Variants in FN3KRP observed in about 807,000 individuals in gnomAD.
FN3KRP encodes ketosamine-3-kinase.
FN3KRP carries 33 observed loss-of-function variants against 29.8 expected under a neutral mutation model. The observed-to-expected ratio is 1.11, with a 90% CI of 0.84 to 1.48. The LOEUF (loss-of-function observed/expected upper bound fraction) is 1.48. Among genes scored for constraint, FN3KRP ranks in the 40% most tolerant of loss-of-function variants. The pLI, the probability that FN3KRP is intolerant of heterozygous loss-of-function variation, is 0.00. For missense variants in FN3KRP, 430 were observed against 402.6 expected, an observed-to-expected ratio of 1.07 and a Z score of -0.58; for synonymous variants, 157 against 155.2, an observed-to-expected ratio of 1.01 and a Z score of -0.09.
intron 4 of FN3KRP, among the ~76,000 whole-genome samples, chr17:82,723,533 TTGTG>T (rs1406575301): frequency 6.6e-6 from 1 of 151,808 alleles, no homozygotes; most frequent in Non-Finnish European, 1.5e-5. Context: ...ATATGTGTAT[TTGTG>T]TGCACGCACG....
In FN3KRP at chr17:82,718,891, G is replaced by C; in HGVS notation, c.142-15G>C. On this transcript the variant is annotated splice_polypyrimidine_tract_variant and intron_variant, in intron 1 of 5. Coordinates refer to ENST00000269373, the MANE Select transcript of FN3KRP (RefSeq NM_024619.4). ...CCTCCCTGTATTTCCACTTCCTCTC[G>C]TATTTTTCTGACAGGCCAGAAGAAT... The C allele has an allele frequency of 6.2e-7, 1 of 1,610,252 alleles. No homozygotes were observed. Among genetic ancestry groups the C allele is most frequent in the East Asian group, 2.2e-5 (1 of 44,770 alleles).
At chr17:82,726,794 G>T (rs534194708) in intron 5 of FN3KRP, 39 bp from the exon 6 acceptor site, 7 of 1,517,682 alleles carry the variant, frequency 4.6e-6, no homozygotes, top group East Asian at 4.5e-5. Context: ...TCATGCACGC[G>T]TTGATCAATT....
intron 4 of FN3KRP, among the ~76,000 whole-genome samples, chr17:82,723,629 G>A (rs2046816373): frequency 1.3e-5 from 2 of 148,490 alleles, no homozygotes; most frequent in Non-Finnish European, 2.9e-5. Context: ...ATATGTGTAT[G>A]TGTGCACACG....
intron 4 of FN3KRP, among the ~76,000 whole-genome samples, chr17:82,724,546 G>A (rs1208657505): frequency 1.3e-5 from 2 of 151,972 alleles, no homozygotes; most frequent in Admixed American, 6.6e-5. Flanking sequence ...AGAGATTGCA[G>A]TGAGCTGAAA....
At position 82,720,370 on chromosome 17, in the gene FN3KRP, C is replaced by T. The variant is rs2046790198; in HGVS notation, c.385+7C>T. On this transcript the variant is annotated splice_region_variant and intron_variant, in intron 3 of 5. Transcript: ENST00000269373. ...AAGGAGGCGGGCACAGTGGGTATGGCACTGCGCGGGCCACGGGTGCTCCCG... is the reference window on the plus strand; with the variant it reads ...AAGGAGGCGGGCACAGTGGGTATGGTACTGCGCGGGCCACGGGTGCTCCCG... The T allele has an allele frequency of 6.2e-7, 1 of 1,610,798 alleles. No homozygotes were observed. Among genetic ancestry groups the T allele is most frequent in the Non-Finnish European group, 8.5e-7 (1 of 1,178,574 alleles).
At chr17:82,723,995 T>A (rs12451816) in intron 4 of FN3KRP, among the ~76,000 whole-genome samples, 148 of 101,922 alleles carry the variant, frequency 1.5e-3, no homozygotes, top group African/African-American at 2.3e-3. Flanking sequence ...AAAAAAAAAA[T>A]TTTTTTTTTT....
chr17:82,723,621 ATGTGTATGTGTGCACACGTGTGTGCATG>A (rs1461526334), intron 4 of FN3KRP, among the ~76,000 whole-genome samples: 3 of 151,264 alleles, frequency 2.0e-5, no homozygotes, highest in Non-Finnish European at 3.0e-5. Context: ...ATGTGTGCAT[ATGTGTATGTGTGCACACGTGTGTGCATG>A]TGTGTACGCG....
In FN3KRP at chr17:82,720,367, T is replaced by A. The variant is rs759352409; in HGVS notation, c.385+4T>A. The A allele has an allele frequency of 6.2e-7, 1 of 1,611,568 alleles. No homozygotes were observed. Among genetic ancestry groups the A allele is most frequent in the Non-Finnish European group, 8.5e-7 (1 of 1,178,886 alleles). On this transcript the variant is annotated splice_donor_region_variant and intron_variant, in intron 3 of 5. Transcript: ENST00000269373. The stretch of plus-strand genomic sequence containing the variant: ...CTGAAGGAGGCGGGCACAGTGGGTA[T>A]GGCACTGCGCGGGCCACGGGTGCTC...
chr17:82,716,928 C>T (rs560324846), intron 1 of FN3KRP, 32 bp downstream of exon 1: 11 of 1,557,782 alleles, frequency 7.1e-6, no homozygotes, highest in South Asian at 5.9e-5. Flanking sequence ...GCCGGGGGAC[C>T]GGTTTCTTTC....
chr17:82,723,481 C>T (rs774704789), intron 4 of FN3KRP, among the ~76,000 whole-genome samples: 29 of 151,802 alleles, frequency 1.9e-4, no homozygotes, highest in Non-Finnish European at 3.2e-4. Flanking sequence ...CCCTTCGTCT[C>T]GTGGCTGTAC....
chr17:82,718,719 C>A, intron 1 of FN3KRP, 187 bp from the exon 2 acceptor site: 1 of 1,209,436 alleles, frequency 8.3e-7, no homozygotes, highest in Non-Finnish European at 1.1e-6. Flanking sequence ...TCTTCCAGTA[C>A]AGCCTCTGAA....
In FN3KRP at chr17:82,727,047, A is replaced by G. The variant is rs539888673; in HGVS notation, c.806A>G (p.Lys269Arg). The change falls in exon 6 of 6, where the codon AAG (lysine) becomes AGG (arginine). Residue 269 changes from lysine (K) to arginine (R), a missense_variant. By Grantham distance (26) the Lys-to-Arg change is conservative. Transcript: ENST00000269373. ...FYSAYHGKIPKAPGFEKRLQL... is the reference protein window; with the variant it reads ...FYSAYHGKIPRAPGFEKRLQL... ...TCCGCCTACCACGGCAAAATCCCCA[A>G]GGCCCCAGGATTCGAGAAGCGCCTT... is the stretch of plus-strand genomic sequence containing the variant. The G allele has an allele frequency of 1.9e-6, 3 of 1,614,148 alleles. No homozygotes were observed. Among genetic ancestry groups the G allele is most frequent in the Non-Finnish European group, 2.5e-6 (3 of 1,180,030 alleles).
rs960703455 is a variant in FN3KRP at position 82,720,119 on chromosome 17, T to C, written c.294-153T>C. 8 of 528,968 alleles carry C rather than the reference T, an allele frequency of 1.5e-5. No individual in the cohort carries two copies. The Admixed American group carries it at 1.9e-4, about 13-fold the overall frequency. 32.8% of individuals were successfully genotyped at this position (528,968 alleles called of 1,614,324 possible). On this transcript the variant is annotated intron_variant, in intron 2 of 5. Coordinates refer to ENST00000269373, the MANE Select transcript of FN3KRP (RefSeq NM_024619.4). ...AGGCGGAGCTTGCAGTGAGCCGAGA[T>C]CGTGCCACTGCCCTCCAGCCTGGGT...
rs574677290 is a variant in FN3KRP at position 82,726,610 on chromosome 17, G to A, written c.591+8G>A. 17 of 1,607,976 alleles carry A rather than the reference G, an allele frequency of 1.1e-5. No homozygotes were observed. In the South Asian group the frequency reaches 1.8e-4, roughly 17 times the overall value. On this transcript the variant is annotated splice_region_variant and intron_variant, in intron 5 of 5. Transcript: ENST00000269373. ...CTTTGGTCTGCTCTGCAGGTGAGTG[G>A]GGCCCCACTGCATGCCCAGCACCTG...
chr17:82,726,363 A>G (rs1349761541), intron 4 of FN3KRP, 117 bp from the exon 5 acceptor site: 6 of 1,319,768 alleles, frequency 4.5e-6, no homozygotes. Flanking sequence ...TGTGACTGCC[A>G]CCCCTCCCAC....
chr17:82,717,202 G>A (rs541947645), intron 1 of FN3KRP, among the ~76,000 whole-genome samples: 16 of 151,546 alleles, frequency 1.1e-4, no homozygotes, highest in Middle Eastern at 6.8e-3. Context: ...GAAATGGGGC[G>A]GGACTGGCTG....
At chr17:82,723,203 G>A (rs1482494202) in intron 4 of FN3KRP, among the ~76,000 whole-genome samples, 1 of 152,230 alleles carries the variant, frequency 6.6e-6, no homozygotes, top group Non-Finnish European at 1.5e-5. Flanking sequence ...TTTTGGTTGT[G>A]TGATTTTATG....
intron 1 of FN3KRP, among the ~76,000 whole-genome samples, chr17:82,717,153 C>T (rs1174487925): frequency 6.6e-6 from 1 of 152,158 alleles, no homozygotes; most frequent in African/African-American, 2.4e-5. Flanking sequence ...CGCCCCACAC[C>T]TCCTGTTCTC....
chr17:82,718,263 G>C (rs768445287), intron 1 of FN3KRP, among the ~76,000 whole-genome samples: 29 of 152,160 alleles, frequency 1.9e-4, no homozygotes, highest in Non-Finnish European at 3.1e-4. Context: ...TGTGTAGCAG[G>C]AGGAAAGGAA....
Sources: allele counts gnomAD v4.1 joint callset (sites outside exome capture counted in the v4.1 genomes callset), GRCh38; gene constraint gnomAD v4.1.1; transcripts MANE v1.5; gene names NCBI Gene and HGNC (gene_info 2026-07-23, HGNC 2026-07-21).